Variants in RERE observed in about 807,000 individuals in gnomAD.
RERE encodes arginine-glutamic acid dipeptide repeats protein.
A neutral mutation model predicts 146.1 loss-of-function variants in RERE; 40 were observed. The ratio of observed to expected loss-of-function variants is 0.27; its 90% CI spans 0.21 to 0.36. RERE has a LOEUF of 0.36. Ranked by LOEUF, RERE falls within the 10% of genes least tolerant of loss-of-function variation. RERE has a pLI of 1.00. For missense variants in RERE, 1,933 were observed against 2,138.7 expected (o/e 0.90, Z 1.90); for synonymous variants, 1,003 against 866.0 (o/e 1.16, Z -2.78).
intron 1 of RERE, among the ~76,000 whole-genome samples, chr1:8,775,345 G>A (rs1471229613): frequency 6.6e-6 from 1 of 152,162 alleles, no homozygotes; most frequent in Non-Finnish European, 1.5e-5. Context: ...GCCGAAGCAG[G>A]AAGACTTCTT....
intron 4 of RERE, among the ~76,000 whole-genome samples, chr1:8,557,917 G>A (rs1436344703): frequency 6.6e-6 from 1 of 152,092 alleles, no homozygotes; most frequent in African/African-American, 2.4e-5. Context: ...AGTGTTAGCT[G>A]ACTGTCAAGG....
chr1:8,402,169 C>T lies in RERE; in HGVS notation c.1284+20558G>A, dbSNP rs189752176. 7.7e-4 allele frequency among the ~76,000 whole-genome samples: 117 copies of T among 152,252 alleles called. 1 individual carries two copies. The highest frequency in any genetic ancestry group is 2.6e-3 in the African/African-American group (110 of 41,556). ...GGAGTGAGCCGCTGCGCCCGGCCAA[C>T]GCTGTGTAACTTCTAAGGCTAGGTC... On this transcript the variant is annotated intron_variant, in intron 12 of 22. Transcript: ENST00000400908.
intron 1 of RERE, among the ~76,000 whole-genome samples, chr1:8,752,723 G>C (rs1384988106): frequency 6.6e-6 from 1 of 152,094 alleles, no homozygotes; most frequent in Non-Finnish European, 1.5e-5. Context: ...AAACTGATAT[G>C]ATCAAAAGAA....
chr1:8,546,894 G>A (rs763394455), intron 6 of RERE, among the ~76,000 whole-genome samples: 30 of 151,624 alleles, frequency 2.0e-4, no homozygotes, highest in East Asian at 3.9e-4. Context: ...TTAGCTTAGG[G>A]GGAAAAAGTC....
At chr1:8,734,275 A>G (rs1640150513) in intron 1 of RERE, among the ~76,000 whole-genome samples, 1 of 152,180 alleles carries the variant, frequency 6.6e-6, no homozygotes, top group African/African-American at 2.4e-5. Context: ...TATTATATTA[A>G]TAATGAATTA....
intron 1 of RERE, among the ~76,000 whole-genome samples, chr1:8,796,002 A>AC (rs1343141708): frequency 6.6e-6 from 1 of 150,936 alleles, no homozygotes; most frequent in Non-Finnish European, 1.5e-5. Flanking sequence ...AAAAAAACAA[A>AC]ACAAAACAGG....
chr1:8,358,472 T>C lies in RERE; in HGVS notation c.4063A>G (p.Ile1355Val), dbSNP rs946250436. 5.3e-5 allele frequency: 84 copies of C among 1,582,722 alleles called. No homozygotes were observed. Among genetic ancestry groups the C allele is most frequent in the Non-Finnish European group, 7.2e-5 (84 of 1,162,196 alleles). The change falls in exon 20 of 23, where the codon ATC becomes GTC. Residue 1355 changes from isoleucine (I) to valine (V), a missense_variant. By Grantham distance (29) the Ile-to-Val change is conservative (BLOSUM62 3). This residue lies in a region of RERE where 1,255 missense variants were observed against 1,153.8 expected (regional missense o/e 1.09). Transcript: ENST00000400908. ...GGGTGGGGCCCGGCGGTCGGGGGGA[T>C]GGTGAGGGCGCTGTGCCGGGCAAAG... ...EHFARHSALT[I>V]PPTAGPHPFA...
At chr1:8,528,800 A>T (rs939440219) in intron 7 of RERE, among the ~76,000 whole-genome samples, 1 of 152,158 alleles carries the variant, frequency 6.6e-6, no homozygotes, top group Non-Finnish European at 1.5e-5. Flanking sequence ...CCACAGAGAG[A>T]GTCAGACAGC....
chr1:8,692,806 T>C (rs1238845309), intron 1 of RERE, among the ~76,000 whole-genome samples: 4 of 152,232 alleles, frequency 2.6e-5, no homozygotes, highest in Non-Finnish European at 5.9e-5. Context: ...TAGTGTAGCA[T>C]ATTTTACATG....
chr1:8,813,578 T>C (rs1001123066), intron 1 of RERE, among the ~76,000 whole-genome samples: 1 of 152,016 alleles, frequency 6.6e-6, no homozygotes, highest in South Asian at 2.1e-4. Context: ...ACATAATTAT[T>C]GCAGGACCTG....
chr1:8,543,091 A>G (rs571859950), intron 6 of RERE, among the ~76,000 whole-genome samples: 4 of 152,318 alleles, frequency 2.6e-5, no homozygotes, highest in Admixed American at 1.3e-4. Flanking sequence ...TTTCCATCAC[A>G]GCAGAAAGTT....
chr1:8,471,658 A>G (rs1235480652), intron 10 of RERE, among the ~76,000 whole-genome samples: 1 of 151,958 alleles, frequency 6.6e-6, no homozygotes, highest in Admixed American at 6.6e-5. Flanking sequence ...GCTTACAGGC[A>G]TGCGCCACCA....
intron 1 of RERE, among the ~76,000 whole-genome samples, chr1:8,815,833 GTGTGTGTGTA>G (rs984116576): frequency 1.3e-5 from 2 of 149,908 alleles, no homozygotes; most frequent in Admixed American, 6.6e-5. Flanking sequence ...TTGGTATTGT[GTGTGTGTGTA>G]TGTGTGTGTG....
Position 8,423,674 on chromosome 1 carries a change from C to T in RERE, c.1204-867G>A. On this transcript the variant is annotated intron_variant, in intron 11 of 22. Coordinates refer to ENST00000400908, the MANE Select transcript of RERE (RefSeq NM_001042681.2). The surrounding 1 kb of genome is among the most constrained non-coding windows in gnomAD (Gnocchi z 5.4). Reference sequence around the variant, plus strand: ...GTCACTGGGCTCCGGCTCCACAAAGCGCAGGGCGGAGGCGGCCGCGGGTGG... The same window carrying T: ...GTCACTGGGCTCCGGCTCCACAAAGTGCAGGGCGGAGGCGGCCGCGGGTGG... The T allele has an allele frequency of 3.0e-6, 3 of 983,930 alleles. No homozygotes were observed. Among genetic ancestry groups the T allele is most frequent in the South Asian group, 4.7e-5 (1 of 21,304 alleles). 60.9% of individuals were successfully genotyped at this position (983,930 alleles called of 1,614,324 possible).
chr1:8,768,490 C>T (rs1044688499), intron 1 of RERE, among the ~76,000 whole-genome samples: 2 of 152,186 alleles, frequency 1.3e-5, no homozygotes, highest in African/African-American at 4.8e-5. Context: ...TGTATCTGTG[C>T]TGGCCAACAC....
chr1:8,497,955 C>A (rs1645067686), intron 8 of RERE, among the ~76,000 whole-genome samples: 1 of 152,160 alleles, frequency 6.6e-6, no homozygotes, highest in Admixed American at 6.5e-5. Flanking sequence ...AGGATATTTG[C>A]TAAAAAATTA....
intron 1 of RERE, among the ~76,000 whole-genome samples, chr1:8,715,454 T>C (rs113713653): frequency 1.4e-3 from 219 of 152,130 alleles, no homozygotes; most frequent in African/African-American, 5.2e-3. Flanking sequence ...GAGGTTTTGG[T>C]AAGCCGAGAT....
chr1:8,360,828 G>A lies in RERE; in HGVS notation c.2679C>T (p.Tyr893=), dbSNP rs376025412. Residue 893 remains tyrosine (Y), a synonymous_variant, in exon 18 of 23, where the codon TAC becomes TAT. Transcript: ENST00000400908. ...APLGTSPAAA[Y]PHTSLQLPAS... ...CTGGCAGCTGCAGGGAGGTGTGAGG[G>A]TACGCTGCTGCTGGGGAGGTCCCCA... The A allele has an allele frequency of 1.3e-4, 208 of 1,550,718 alleles. No individual in the cohort carries two copies. In the African/African-American group the frequency reaches 2.2e-3, roughly 17 times the overall value.
intron 1 of RERE, among the ~76,000 whole-genome samples, chr1:8,740,261 T>C (rs1640282316): frequency 1.3e-5 from 2 of 152,218 alleles, no homozygotes; most frequent in South Asian, 4.1e-4. Flanking sequence ...ACTACAAAAC[T>C]GTATAGCATG....
Sources: allele counts gnomAD v4.1 joint callset (sites outside exome capture counted in the v4.1 genomes callset), GRCh38; gene constraint gnomAD v4.1.1; regional missense constraint gnomAD v4.1.1; non-coding constraint Gnocchi (gnomAD v3.1); transcripts MANE v1.5; gene names NCBI Gene and HGNC (gene_info 2026-07-23, HGNC 2026-07-21).